Variants in MED13L observed in about 807,000 individuals in gnomAD.
The protein encoded by MED13L is mediator of RNA polymerase II transcription subunit 13-like.
A neutral mutation model predicts 220.9 loss-of-function variants in MED13L; 7 were observed. That is an observed-to-expected ratio of 0.03 (90% CI 0.02 to 0.06). MED13L has a LOEUF of 0.06. Ranked by LOEUF, MED13L falls within the 10% of genes least tolerant of loss-of-function variation. MED13L has a pLI of 1.00. For synonymous variants in MED13L, 1,011 were observed against 1,015.2 expected (o/e 1.00, Z 0.08); for missense variants, 1,965 against 2,760.5 (o/e 0.71, Z 6.46).
chr12:116,261,079 G>A (rs1049001867), intron 1 of MED13L, among the ~76,000 whole-genome samples: 24 of 151,938 alleles, frequency 1.6e-4, no homozygotes, highest in African/African-American at 5.6e-4. Flanking sequence ...AATCACCACC[G>A]TCTCTACCCA....
At chr12:116,197,779 A>C (rs1481491234) in intron 2 of MED13L, among the ~76,000 whole-genome samples, 1 of 150,864 alleles carries the variant, frequency 6.6e-6, no homozygotes, top group Non-Finnish European at 1.5e-5. Context: ...AAAAGAAAAA[A>C]AGGAAAAAAA....
Position 116,015,286 on chromosome 12 carries a change from G to C in MED13L, c.1010-12C>G. On this transcript the variant is annotated splice_polypyrimidine_tract_variant and intron_variant, in intron 7 of 30. Transcript: ENST00000281928. ...ACCTCCACTCTCACCTGAAAAAAAA[G>C]GCAATTTGGAATGTTAGGATTTTCT... 6.2e-7 allele frequency: 1 copy of C among 1,613,414 alleles called. No homozygotes were observed. The highest frequency in any genetic ancestry group is 8.5e-7 in the Non-Finnish European group (1 of 1,179,474).
chr12:116,216,689 T>C (rs1347193018), intron 2 of MED13L, among the ~76,000 whole-genome samples: 1 of 152,174 alleles, frequency 6.6e-6, no homozygotes, highest in Non-Finnish European at 1.5e-5. Flanking sequence ...GTAAGAAGCA[T>C]AAAGCCATGC....
intron 3 of MED13L, among the ~76,000 whole-genome samples, chr12:116,103,613 T>G (rs760521899): frequency 7.9e-5 from 12 of 152,314 alleles, no homozygotes; most frequent in Non-Finnish European, 8.8e-5. Flanking sequence ...ATTTAAAGTC[T>G]TAATTCCTTC....
chr12:116,181,457 A>AAC (rs1208584397), intron 2 of MED13L, among the ~76,000 whole-genome samples: 3 of 152,124 alleles, frequency 2.0e-5, no homozygotes, highest in Non-Finnish European at 4.4e-5. Flanking sequence ...AGGAATACAT[A>AAC]ACACTCTTTA....
intron 2 of MED13L, among the ~76,000 whole-genome samples, chr12:116,125,852 A>G (rs1225093613): frequency 1.3e-5 from 2 of 152,216 alleles, no homozygotes; most frequent in Non-Finnish European, 2.9e-5. Flanking sequence ...TAGTAATCAG[A>G]ACATTTTACT....
chr12:116,117,099 TG>T (rs1042015789), intron 2 of MED13L, among the ~76,000 whole-genome samples: 17 of 151,788 alleles, frequency 1.1e-4, no homozygotes, highest in African/African-American at 4.1e-4. Context: ...ATCTATACAA[TG>T]GGCTACTACT....
chr12:115,969,107 A>G lies in MED13L; in HGVS notation c.6068-10T>C, dbSNP rs1565984104. 1 of 1,613,466 alleles carries G rather than the reference A, an allele frequency of 6.2e-7. No individual in the cohort carries two copies. The highest frequency in any genetic ancestry group is 8.5e-7 in the Non-Finnish European group (1 of 1,179,692). The stretch of plus-strand genomic sequence containing the variant: ...TCAACAAACATATCATCTAGAGGGA[A>G]GGGGGGAAAAAAAGCACAAAAATTA... On this transcript the variant is annotated splice_polypyrimidine_tract_variant and intron_variant, in intron 27 of 30. Transcript: ENST00000281928.
intron 4 of MED13L, among the ~76,000 whole-genome samples, chr12:116,055,447 G>A (rs1868872505): frequency 6.6e-6 from 1 of 152,184 alleles, no homozygotes; most frequent in African/African-American, 2.4e-5. Flanking sequence ...CAGAGATATA[G>A]AGGAGTCAAA....
Position 116,098,315 on chromosome 12 carries a change from T to C in MED13L, c.396-1563A>G, listed in dbSNP as rs181942981. ...ATGTGGGGGGGAAATGGGGAAAATG[T>C]GCACATTTGGAACTACTGAAATACA... On this transcript the variant is annotated intron_variant, in intron 3 of 30. Coordinates refer to ENST00000281928, the MANE Select transcript of MED13L (RefSeq NM_015335.5). Among the ~76,000 whole-genome samples the C allele has an allele frequency of 1.3e-3, 201 of 152,072 alleles. 1 individual carries two copies. The highest frequency in any genetic ancestry group is 1.8e-3 in the Admixed American group (28 of 15,264).
intron 2 of MED13L, among the ~76,000 whole-genome samples, chr12:116,120,755 T>C (rs892821672): frequency 6.6e-6 from 1 of 152,130 alleles, no homozygotes; most frequent in Non-Finnish European, 1.5e-5. Flanking sequence ...CTAATTCTTT[T>C]GATCTTTCCA....
chr12:116,007,502 T>A lies in MED13L; in HGVS notation c.2147A>T (p.Tyr716Phe). Residue 716 changes from tyrosine to phenylalanine, a missense_variant, in exon 11 of 31, where the codon TAT (tyrosine) becomes TTT (phenylalanine). Tyr to Phe is a conservative substitution (Grantham distance 22). Coordinates refer to ENST00000281928, the MANE Select transcript of MED13L (RefSeq NM_015335.5). ...TTTTATGTCACCATCTTCAAAGGTA[T>A]ATGGGTCATTCACTTCTCCCAAACT... ...GDSLGEVNDPYTFEDGDIKYI... is the reference protein window; with the variant it reads ...GDSLGEVNDPFTFEDGDIKYI... The A allele has an allele frequency of 6.2e-7, 1 of 1,614,022 alleles. No homozygotes were observed. Among genetic ancestry groups the A allele is most frequent in the Non-Finnish European group, 8.5e-7 (1 of 1,179,930 alleles).
intron 4 of MED13L, among the ~76,000 whole-genome samples, chr12:116,040,110 C>A (rs1881434775): frequency 6.6e-6 from 1 of 152,150 alleles, no homozygotes; most frequent in Non-Finnish European, 1.5e-5. Flanking sequence ...TGTCTCCCAA[C>A]AATAGGTAAA....
At chr12:116,141,063 CAAAT>C (rs1467060237) in intron 2 of MED13L, among the ~76,000 whole-genome samples, 1 of 152,024 alleles carries the variant, frequency 6.6e-6, no homozygotes, top group East Asian at 1.9e-4. Flanking sequence ...CTAAGCACAA[CAAAT>C]AAATATGTGT....
intron 4 of MED13L, among the ~76,000 whole-genome samples, chr12:116,043,645 C>T (rs1881665832): frequency 6.6e-6 from 1 of 152,208 alleles, no homozygotes; most frequent in Non-Finnish European, 1.5e-5. Flanking sequence ...GTATACTCTT[C>T]ATCTGGCTTT....
intron 4 of MED13L, among the ~76,000 whole-genome samples, chr12:116,028,592 C>G (rs1000641661): frequency 6.6e-6 from 1 of 152,120 alleles, no homozygotes; most frequent in African/African-American, 2.4e-5. Flanking sequence ...TATTCAACAT[C>G]AACATAAATC....
intron 2 of MED13L, among the ~76,000 whole-genome samples, chr12:116,230,242 T>C (rs190562729): frequency 6.6e-6 from 1 of 151,342 alleles, no homozygotes; most frequent in Non-Finnish European, 1.5e-5. Flanking sequence ...TCAAAAAAAA[T>C]ACAAAAAATT....
intron 2 of MED13L, among the ~76,000 whole-genome samples, chr12:116,191,458 G>C (rs749466126): frequency 8.6e-5 from 13 of 152,022 alleles, no homozygotes; most frequent in Non-Finnish European, 1.6e-4. Context: ...AGTCTACCTA[G>C]TGGCTGGGAT....
rs1222610926 is a variant in MED13L at position 115,963,309 on chromosome 12, C to CA, written c.6500+97_6500+98insT. 1.3e-5 allele frequency: 13 copies of CA among 1,005,714 alleles called. No homozygotes were observed. The African/African-American group carries it at 2.1e-4, about 16-fold the overall frequency. 62.3% of individuals were successfully genotyped at this position (1,005,714 alleles called of 1,614,324 possible). ...TGTATCACTGCACAAACGGCAGCTT[C>CA]TATGAATACCACACTTAGATTAAAA... On this transcript the variant is annotated intron_variant, in intron 30 of 30. Coordinates refer to ENST00000281928, the MANE Select transcript of MED13L (RefSeq NM_015335.5).
Sources: gnomAD v4.1 joint callset for allele counts (sites outside exome capture counted in the v4.1 genomes callset) on GRCh38, gnomAD v4.1.1 for gene constraint, MANE v1.5 for transcripts, NCBI Gene and HGNC (gene_info 2026-07-23, HGNC 2026-07-21) for gene names.